The following BCR variants were observed in gnomAD, a reference collection of about 807,000 sequenced individuals.
BCR encodes the protein BCR activator of RhoGEF and GTPase, also known as breakpoint cluster region protein.
In BCR, 58 loss-of-function variants were observed where a neutral mutation model predicts 138.6. The ratio of observed to expected loss-of-function variants is 0.42; its 90% CI spans 0.34 to 0.52. The LOEUF is 0.52. BCR is among the 20% of genes least tolerant of loss of function. BCR has a pLI of 0.06. For missense variants in BCR, 1,599 were observed against 1,727.2 expected (o/e 0.93, Z 1.32); for synonymous variants, 786 against 730.1 (o/e 1.08, Z -1.23).
intron 16 of BCR, chr22:23,307,754 T>G (rs2073965758): frequency 6.8e-6 from 1 of 146,896 alleles, no homozygotes; most frequent in African/African-American, 2.6e-5. Context: ...CAGTAGGACC[T>G]AGAAGGGGAG....
chr22:23,314,575 A>G lies in BCR; in HGVS notation c.3587A>G (p.Asn1196Ser), dbSNP rs1315500586. 3 of 1,611,960 alleles carry G rather than the reference A, an allele frequency of 1.9e-6. No homozygotes were observed. Among genetic ancestry groups the G allele is most frequent in the Non-Finnish European group, 2.5e-6 (3 of 1,179,842 alleles). The change falls in exon 22 of 23, where the codon AAT (asparagine) becomes AGT (serine). Residue 1196 changes from asparagine to serine, a missense_variant. By Grantham distance (46) the Asn-to-Ser change is conservative. This residue lies in a region of BCR where 177 missense variants were observed against 226.4 expected (regional missense o/e 0.78). Coordinates refer to ENST00000305877, the MANE Select transcript of BCR (RefSeq NM_004327.4). ...LKRVAEKEAVNKMSLHNLATV... is the reference protein window; with the variant it reads ...LKRVAEKEAVSKMSLHNLATV... ...AGGGTGGCAGAGAAGGAGGCAGTCAATAAGATGTCCCTGCACAACCTCGCC... is the reference window on the plus strand; with the variant it reads ...AGGGTGGCAGAGAAGGAGGCAGTCAGTAAGATGTCCCTGCACAACCTCGCC...
At chr22:23,293,364 A>G (rs1005659549) in intron 15 of BCR, among the ~76,000 whole-genome samples, 17 of 152,282 alleles carry the variant, frequency 1.1e-4, no homozygotes, top group Admixed American at 8.5e-4. Flanking sequence ...TGCTTGGTCT[A>G]CACGGGTCAC....
intron 1 of BCR, among the ~76,000 whole-genome samples, chr22:23,208,143 G>C (rs1284228495): frequency 6.6e-6 from 1 of 152,208 alleles, no homozygotes; most frequent in Non-Finnish European, 1.5e-5. Context: ...GCTTCAGTTG[G>C]TACCCCGTGA....
chr22:23,262,563 G>A lies in BCR; in HGVS notation c.1752+1023G>A, dbSNP rs144578067. Among the ~76,000 whole-genome samples the A allele has an allele frequency of 6.4e-3, 975 of 152,230 alleles. 10 individuals carry two copies. The highest frequency in any genetic ancestry group is 0.022 in the African/African-American group (917 of 41,550). ...CCATCTTTGAAGCCCCCCCACCCCC[G>A]TTTCTCCGTGTGTGTGTCAGCAGTT... On this transcript the variant is annotated intron_variant, in intron 4 of 22. Coordinates refer to ENST00000305877, the MANE Select transcript of BCR (RefSeq NM_004327.4).
Position 23,223,784 on chromosome 22 carries a change from G to A in BCR, c.1280-30015G>A, listed in dbSNP as rs114887565. On this transcript the variant is annotated intron_variant, in intron 1 of 22. Coordinates refer to ENST00000305877, the MANE Select transcript of BCR (RefSeq NM_004327.4). Reference sequence around the variant, plus strand: ...CTGATTGCCATGTGGTTTTCACACCGCCTCTCCTCCTGCCATTGACAGTGG... The same window carrying A: ...CTGATTGCCATGTGGTTTTCACACCACCTCTCCTCCTGCCATTGACAGTGG... 9.5e-3 allele frequency among the ~76,000 whole-genome samples: 1,451 copies of A among 152,258 alleles called. 20 individuals carry two copies. Among genetic ancestry groups the A allele is most frequent in the African/African-American group, 0.034 (1,392 of 41,536 alleles).
intron 1 of BCR, among the ~76,000 whole-genome samples, chr22:23,249,978 C>T (rs540009557): frequency 6.6e-6 from 1 of 152,310 alleles, no homozygotes; most frequent in Admixed American, 6.5e-5. Flanking sequence ...AGAGTCTGGC[C>T]GTGAGACCTA....
chr22:23,304,695 A>G (rs539221201), intron 16 of BCR, among the ~76,000 whole-genome samples: 23 of 152,372 alleles, frequency 1.5e-4, no homozygotes, highest in Admixed American at 5.9e-4. Context: ...GTGGCCATGT[A>G]TGAAAGCCCA....
In BCR at chr22:23,181,337, CCAGGCCCGGGACCGCCCG is replaced by C. The variant is rs1035278812; in HGVS notation, c.388_405del (p.Thr130_Gly135del). The C allele has an allele frequency of 1.6e-5, 24 of 1,473,880 alleles. No homozygotes were observed. Among genetic ancestry groups the C allele is most frequent in the African/African-American group, 1.2e-4 (8 of 68,780 alleles). 91.3% of individuals were successfully genotyped at this position (1,473,880 alleles called of 1,614,324 possible). ...GACGGCGAGGGTTCTCCGGGTAAGG[CCAGGCCCGGGACCGCCCG>C]CAGGCCCGGGGCAGCCGCGTCGGGG... On this transcript the variant is annotated inframe_deletion, in exon 1 of 23. Transcript: ENST00000305877.
At chr22:23,204,732 G>A (rs1048699659) in intron 1 of BCR, among the ~76,000 whole-genome samples, 1 of 152,226 alleles carries the variant, frequency 6.6e-6, no homozygotes, top group African/African-American at 2.4e-5. Context: ...TTCAGAGGCC[G>A]TGCAGGTTTC....
At chr22:23,237,420 C>T (rs1209616792) in intron 1 of BCR, among the ~76,000 whole-genome samples, 3 of 152,218 alleles carry the variant, frequency 2.0e-5, no homozygotes. Flanking sequence ...ACCAGGTTGT[C>T]ACACCCACAA....
Position 23,180,759 on chromosome 22 carries a change from C to G in BCR, c.-202C>G, listed in dbSNP as rs866164558. ...GCGCGCGCAGCCCGCGCCCTTCCCC[C>G]CGGCGCGCCCCGCCCCGCGCGCCGA... is the stretch of plus-strand genomic sequence containing the variant. On this transcript the variant is annotated 5_prime_UTR_variant, in exon 1 of 23. Transcript: ENST00000305877. 2.6e-5 allele frequency: 4 copies of G among 156,798 alleles called. No homozygotes were observed. The highest frequency in any genetic ancestry group is 2.0e-4 in the East Asian group (1 of 5,034). 9.7% of individuals were successfully genotyped at this position (156,798 alleles called of 1,614,324 possible).
At chr22:23,199,831 C>T (rs191956226) in intron 1 of BCR, among the ~76,000 whole-genome samples, 2 of 152,160 alleles carry the variant, frequency 1.3e-5, no homozygotes, top group African/African-American at 4.8e-5. Context: ...TGGCTCACGC[C>T]TGTAATCCCA....
rs952234964 is a variant in BCR at position 23,181,959 on chromosome 22, C to T, written c.999C>T (p.Ser333=). 18 of 1,613,184 alleles carry T rather than the reference C, an allele frequency of 1.1e-5. No homozygotes were observed. Among genetic ancestry groups the T allele is most frequent in the Non-Finnish European group, 1.5e-5 (18 of 1,179,932 alleles). The change falls in exon 1 of 23, where the codon AGC becomes AGT. Residue 333 remains serine, a synonymous_variant. Transcript: ENST00000305877. ...GAGGCGGCTATACCCCGGACTGCAG[C>T]TCCAATGAGAACCTCACCTCCAGCG... is the stretch of plus-strand genomic sequence containing the variant. ...DCGGGYTPDC[S]SNENLTSSEE... is the part of the protein sequence containing the mutation.
chr22:23,295,224 A>G, intron 16 of BCR, 69 bp downstream of exon 16: 4 of 1,424,054 alleles, frequency 2.8e-6, no homozygotes, highest in Non-Finnish European at 3.8e-6. Context: ...CCCTGGGGAC[A>G]CTGAGATGGT....
intron 1 of BCR, among the ~76,000 whole-genome samples, chr22:23,218,012 G>T (rs1482698357): frequency 6.6e-6 from 1 of 152,164 alleles, no homozygotes; most frequent in East Asian, 1.9e-4. Context: ...TGGGCAAATG[G>T]GCCTGGCTCC....
intron 16 of BCR, chr22:23,306,204 CAG>C (rs1195600460): frequency 6.6e-6 from 1 of 152,240 alleles, no homozygotes; most frequent in Non-Finnish European, 1.5e-5. Flanking sequence ...CTGGGAGTCA[CAG>C]AGAGGGGCCC....
At chr22:23,248,774 A>G (rs973353145) in intron 1 of BCR, among the ~76,000 whole-genome samples, 1 of 151,992 alleles carries the variant, frequency 6.6e-6, no homozygotes, top group African/African-American at 2.4e-5. Flanking sequence ...CCCACCTTCT[A>G]CCTTCTAGTG....
In BCR at chr22:23,181,142, C is replaced by G. The variant is rs754331385; in HGVS notation, c.182C>G (p.Thr61Arg). 18 of 1,466,516 alleles carry G rather than the reference C, an allele frequency of 1.2e-5. No homozygotes were observed. The highest frequency in any genetic ancestry group is 1.6e-5 in the Non-Finnish European group (18 of 1,097,116). 90.8% of individuals were successfully genotyped at this position (1,466,516 alleles called of 1,614,324 possible). ...QERFRMIYLQ[T>R]LLAKEKKSYD... ...CGCTTCCGCATGATCTACCTGCAGA[C>G]GTTGCTGGCCAAGGAAAAGAAGAGC... Residue 61 changes from threonine to arginine, a missense_variant, in exon 1 of 23, where the codon ACG becomes AGG. Thr to Arg is a moderately conservative substitution (Grantham distance 71, BLOSUM62 -1). Coordinates refer to ENST00000305877, the MANE Select transcript of BCR (RefSeq NM_004327.4).
intron 1 of BCR, among the ~76,000 whole-genome samples, chr22:23,221,771 G>A (rs941674995): frequency 6.6e-6 from 1 of 152,104 alleles, no homozygotes; most frequent in Admixed American, 6.5e-5. Flanking sequence ...GACAGCTTTC[G>A]GGAGGGTGGG....
Sources: allele counts gnomAD v4.1 joint callset (sites outside exome capture counted in the v4.1 genomes callset), GRCh38; gene constraint gnomAD v4.1.1; regional missense constraint gnomAD v4.1.1; transcripts MANE v1.5; gene names NCBI Gene and HGNC (gene_info 2026-07-23, HGNC 2026-07-21).